Variants in ADAM23 observed in about 807,000 individuals in gnomAD.
ADAM23 encodes the protein disintegrin and metalloproteinase domain-containing protein 23.
ADAM23 carries 33 observed loss-of-function variants against 120.1 expected under a neutral mutation model. The ratio of observed to expected loss-of-function variants is 0.27; its 90% CI spans 0.21 to 0.37. ADAM23 has a LOEUF of 0.37. Ranked by LOEUF, ADAM23 falls within the 10% of genes least tolerant of loss-of-function variation. The pLI is 1.00. For synonymous variants in ADAM23, 367 were observed against 375.2 expected, an observed-to-expected ratio of 0.98 and a Z score of 0.25; for missense variants, 862 against 1,058.2, an observed-to-expected ratio of 0.81 and a Z score of 2.57.
intron 3 of ADAM23, among the ~76,000 whole-genome samples, chr2:206,514,558 C>T (rs12615412): frequency 0.12 from 17,525 of 152,194 alleles, 1,124 homozygotes; most frequent in East Asian, 0.21. Flanking sequence ...TTGCTGTGAA[C>T]ATTGTTGAAA....
intron 24 of ADAM23, among the ~76,000 whole-genome samples, chr2:206,597,532 C>T (rs1029370345): frequency 5.3e-5 from 8 of 152,164 alleles, no homozygotes; most frequent in African/African-American, 7.2e-5. Flanking sequence ...ATTATTCTCC[C>T]GATTCTCAAC....
chr2:206,516,208 AC>A (rs1696726567), intron 3 of ADAM23, among the ~76,000 whole-genome samples: 1 of 151,480 alleles, frequency 6.6e-6, no homozygotes, highest in South Asian at 2.1e-4. Flanking sequence ...CCTGAAGCTT[AC>A]ATGGAAGATT....
At position 206,616,071 on chromosome 2, in the gene ADAM23, T is replaced by G. The variant is rs185266278; in HGVS notation, c.2451-1508T>G. On this transcript the variant is annotated intron_variant, in intron 25 of 25. Coordinates refer to ENST00000264377, the MANE Select transcript of ADAM23 (RefSeq NM_003812.4). ...CTCACAAGATTGGGGCCTCTTGTCC[T>G]TCAGGGTCATTTCACAAGGTCAGGC... is the stretch of plus-strand genomic sequence containing the variant. 2.3e-3 allele frequency among the ~76,000 whole-genome samples: 348 copies of G among 152,318 alleles called. 1 individual carries two copies. The highest frequency in any genetic ancestry group is 8.0e-3 in the African/African-American group (331 of 41,572).
chr2:206,518,284 TAATAGTTAAAAGATAAA>T (rs1452504680), intron 3 of ADAM23, among the ~76,000 whole-genome samples: 1 of 152,192 alleles, frequency 6.6e-6, no homozygotes, highest in Non-Finnish European at 1.5e-5. Flanking sequence ...AAATACTTAA[TAATAGTTAAAAGATAAA>T]AATTCAGTTT....
At position 206,620,581 on chromosome 2, in the gene ADAM23, T is replaced by A. The variant is rs1474152408; in HGVS notation, c.*2954T>A. On this transcript the variant is annotated 3_prime_UTR_variant, in exon 26 of 26. Coordinates refer to ENST00000264377, the MANE Select transcript of ADAM23 (RefSeq NM_003812.4). ...GCACAAGTGTATCACTGTTTAATGT[T>A]ACCCAACAAGAGTTAGTGTTAAGTG... The A allele has an allele frequency of 1.3e-5, 2 of 152,192 alleles. No homozygotes were observed. Among genetic ancestry groups the A allele is most frequent in the Non-Finnish European group, 2.9e-5 (2 of 68,024 alleles). The allele number at this position is 152,192 out of a possible 1,614,324, so 9.4% of individuals were successfully genotyped here.
chr2:206,529,228 T>G (rs1697000955), intron 3 of ADAM23, among the ~76,000 whole-genome samples: 1 of 152,174 alleles, frequency 6.6e-6, no homozygotes, highest in African/African-American at 2.4e-5. Flanking sequence ...AGTTAAATAC[T>G]GCATATTCAT....
intron 24 of ADAM23, chr2:206,607,824 ATTTC>A (rs979157958): frequency 8.0e-5 from 22 of 276,486 alleles, no homozygotes; most frequent in African/African-American, 5.0e-4. Context: ...TTGTCTCAAC[ATTTC>A]TTAGTTTAAT....
At position 206,620,858 on chromosome 2, in the gene ADAM23, A is replaced by G. The variant is rs1343357579; in HGVS notation, c.*3231A>G. On this transcript the variant is annotated 3_prime_UTR_variant, in exon 26 of 26. Coordinates refer to ENST00000264377, the MANE Select transcript of ADAM23 (RefSeq NM_003812.4). ...TTTACTATGCAAAGATGGGAAATGCACAAACTTTTCAAAGACTAGTGTCTG... is the reference window on the plus strand; with the variant it reads ...TTTACTATGCAAAGATGGGAAATGCGCAAACTTTTCAAAGACTAGTGTCTG... 1.3e-5 allele frequency: 2 copies of G among 152,212 alleles called. No homozygotes were observed. Among genetic ancestry groups the G allele is most frequent in the Non-Finnish European group, 2.9e-5 (2 of 68,030 alleles). 9.4% of individuals were successfully genotyped at this position (152,212 alleles called of 1,614,324 possible).
intron 23 of ADAM23, among the ~76,000 whole-genome samples, chr2:206,595,800 AAAT>A (rs140275241): frequency 0.095 from 14,472 of 152,100 alleles, 724 homozygotes; most frequent in Middle Eastern, 0.12. Context: ...GAATAATAAT[AAAT>A]AATAAGATAA....
At chr2:206,509,510 T>C (rs561750571) in intron 3 of ADAM23, among the ~76,000 whole-genome samples, 4 of 152,188 alleles carry the variant, frequency 2.6e-5, no homozygotes, top group African/African-American at 9.6e-5. Context: ...GTGCAGTGGC[T>C]TGATCTTGGC....
At chr2:206,485,852 G>A (rs1696001287) in intron 3 of ADAM23, among the ~76,000 whole-genome samples, 1 of 152,180 alleles carries the variant, frequency 6.6e-6, no homozygotes, top group South Asian at 2.1e-4. Context: ...GTCAGAAGAA[G>A]CAAGAAGGCC....
chr2:206,566,682 A>G (rs1697889751), intron 14 of ADAM23, among the ~76,000 whole-genome samples: 1 of 152,208 alleles, frequency 6.6e-6, no homozygotes, highest in African/African-American at 2.4e-5. Flanking sequence ...TACTAAAAAC[A>G]TACGTGCATA....
chr2:206,500,433 T>C (rs1696364034), intron 3 of ADAM23, among the ~76,000 whole-genome samples: 1 of 152,190 alleles, frequency 6.6e-6, no homozygotes, highest in South Asian at 2.1e-4. Context: ...GAAAAATCGG[T>C]GCTCAAAAGT....
At chr2:206,509,152 G>GT (rs978216756) in intron 3 of ADAM23, among the ~76,000 whole-genome samples, 3 of 152,102 alleles carry the variant, frequency 2.0e-5, no homozygotes, top group African/African-American at 7.2e-5. Flanking sequence ...ATCAAAAGCA[G>GT]TTTTTTTGTA....
intron 3 of ADAM23, among the ~76,000 whole-genome samples, chr2:206,518,147 G>T (rs1441311045): frequency 6.6e-6 from 1 of 152,124 alleles, no homozygotes; most frequent in Non-Finnish European, 1.5e-5. Context: ...TTATAGATCT[G>T]TTCTGCATTT....
chr2:206,495,015 A>G (rs541418600), intron 3 of ADAM23, among the ~76,000 whole-genome samples: 1 of 152,236 alleles, frequency 6.6e-6, no homozygotes, highest in Non-Finnish European at 1.5e-5. Flanking sequence ...GACCAAATCT[A>G]CGTCTAATTG....
intron 3 of ADAM23, among the ~76,000 whole-genome samples, chr2:206,493,117 G>A (rs974098287): frequency 6.6e-6 from 1 of 152,098 alleles, no homozygotes; most frequent in Non-Finnish European, 1.5e-5. Flanking sequence ...AGTGAGAATT[G>A]TGTTGTTTTA....
chr2:206,559,935 G>C lies in ADAM23; in HGVS notation c.1006-20G>C. 1.9e-6 allele frequency: 3 copies of C among 1,602,606 alleles called. No individual in the cohort carries two copies. The highest frequency in any genetic ancestry group is 2.6e-6 in the Non-Finnish European group (3 of 1,173,938). On this transcript the variant is annotated intron_variant, in intron 10 of 25. Coordinates refer to ENST00000264377, the MANE Select transcript of ADAM23 (RefSeq NM_003812.4). ...GACCCAGTGTTTTCCTCCTGCACCT[G>C]TCCTGTTGTATACCCTCAGATTTAC...
chr2:206,538,633 G>A lies in ADAM23; in HGVS notation c.574-3419G>A, dbSNP rs114496684. 3.3e-3 allele frequency among the ~76,000 whole-genome samples: 510 copies of A among 152,280 alleles called. 3 individuals carry two copies. The highest frequency in any genetic ancestry group is 0.012 in the African/African-American group (478 of 41,544). ...GAGTTTCATAAGCAGTAAAGAACTG[G>A]CTGATGGAACTTTACCATGCAGATG... On this transcript the variant is annotated intron_variant, in intron 4 of 25. Transcript: ENST00000264377.
Sources: allele counts gnomAD v4.1 joint callset (sites outside exome capture counted in the v4.1 genomes callset), GRCh38; gene constraint gnomAD v4.1.1; transcripts MANE v1.5; gene names NCBI Gene and HGNC (gene_info 2026-07-23, HGNC 2026-07-21).